SIPA1L2: variants seen among roughly 807,000 people sequenced by gnomAD.
SIPA1L2 encodes signal induced proliferation associated 1 like 2.
In SIPA1L2, 56 loss-of-function variants were observed where a neutral mutation model predicts 163.9. That is an observed-to-expected ratio of 0.34 (90% CI 0.28 to 0.43). The LOEUF (loss-of-function observed/expected upper bound fraction) is 0.43. SIPA1L2 is among the 20% of genes least tolerant of loss of function. The probability of loss-of-function intolerance (pLI) is 1.00; values close to 1 mark genes in which losing one functional copy is unlikely to be tolerated. For missense variants in SIPA1L2, 1,974 were observed against 2,193.5 expected, an observed-to-expected ratio of 0.90 and a Z score of 2.00; for synonymous variants, 877 against 865.7, an observed-to-expected ratio of 1.01 and a Z score of -0.23.
At chr1:232,539,383 T>G (rs1657506321) in intron 2 of SIPA1L2, among the ~76,000 whole-genome samples, 2 of 152,234 alleles carry the variant, frequency 1.3e-5, no homozygotes, top group Non-Finnish European at 2.9e-5. Flanking sequence ...TCACTTAAAC[T>G]TCATTTGGTC....
intron 1 of SIPA1L2, among the ~76,000 whole-genome samples, chr1:232,605,990 ATG>A (rs1281297101): frequency 1.3e-5 from 2 of 148,346 alleles, no homozygotes; most frequent in African/African-American, 5.2e-5. Flanking sequence ...TCTCAGACAC[ATG>A]ATGCTACTGA....
chr1:232,547,106 G>A (rs1354854079), intron 2 of SIPA1L2, among the ~76,000 whole-genome samples: 2 of 152,208 alleles, frequency 1.3e-5, no homozygotes, highest in East Asian at 3.8e-4. Context: ...ATAAGGAAGT[G>A]GATGGTGGGC....
chr1:232,545,225 T>C lies in SIPA1L2; in HGVS notation c.-270+28949A>G, dbSNP rs979234398. On this transcript the variant is annotated intron_variant, in intron 2 of 22. Transcript: ENST00000674635. ...CTCTTCTACAAGGTTCCCTGTAGCA[T>C]AGCACGGAAAAAGCACAGCCTTCAC... Among the ~76,000 whole-genome samples, 5 of 152,244 alleles carry C rather than the reference T, an allele frequency of 3.3e-5. No individual in the cohort carries two copies. The South Asian group carries it at 8.3e-4, about 25-fold the overall frequency.
rs1665900648 is a variant in SIPA1L2 at position 232,490,988 on chromosome 1, T to C, written c.1692A>G (p.Leu564=). Residue 564 remains leucine, a synonymous_variant, in exon 5 of 23, where the codon CTA becomes CTG. Coordinates refer to ENST00000674635, the MANE Select transcript of SIPA1L2 (RefSeq NM_020808.5). ...STARHGTARG[L]PLKEVLEYVI... is the part of the protein sequence containing the mutation. ...CGTATTCCAAAACTTCTTTGAGAGG[T>C]AGTCCTCGTGCGGTACCATGCCTAG... is the stretch of plus-strand genomic sequence containing the variant. 3.1e-6 allele frequency: 5 copies of C among 1,614,008 alleles called. No individual in the cohort carries two copies. The highest frequency in any genetic ancestry group is 1.3e-5 in the African/African-American group (1 of 74,898).
At chr1:232,399,927 G>C (rs1391219730) in intron 22 of SIPA1L2, among the ~76,000 whole-genome samples, 1 of 152,138 alleles carries the variant, frequency 6.6e-6, no homozygotes, top group Admixed American at 6.5e-5. Context: ...CGGTATTTCT[G>C]TAACGGGATC....
At chr1:232,479,416 A>T (rs1665209273) in intron 7 of SIPA1L2, among the ~76,000 whole-genome samples, 1 of 152,226 alleles carries the variant, frequency 6.6e-6, no homozygotes, top group Admixed American at 6.5e-5. Flanking sequence ...CTGAGTGCAG[A>T]AGAGTTTCTA....
At chr1:232,484,099 A>G (rs1665524033) in intron 5 of SIPA1L2, 133 bp from the exon 6 acceptor site, 1 of 780,948 alleles carries the variant, frequency 1.3e-6, no homozygotes, top group East Asian at 2.8e-5. Context: ...GTGAATAAGC[A>G]AAAGAGTAGG....
At chr1:232,477,869 A>G (rs993850291) in intron 7 of SIPA1L2, among the ~76,000 whole-genome samples, 28 of 152,206 alleles carry the variant, frequency 1.8e-4, no homozygotes, top group Admixed American at 1.4e-3. Flanking sequence ...CTGAAGTCCA[A>G]TGACTCAAGT....
Position 232,514,071 on chromosome 1 carries a change from C to T in SIPA1L2, c.1269G>A (p.Arg423=). 1 of 1,614,204 alleles carries T rather than the reference C, an allele frequency of 6.2e-7. No homozygotes were observed. The highest frequency in any genetic ancestry group is 8.5e-7 in the Non-Finnish European group (1 of 1,180,026). ...RNETGGEGDR[R]IALSRANSSS... ...ATGAGTTGGCTCGAGAGAGCGCAAT[C>T]CGCCTGTCGCCTTCCCCTCCAGTCT... is the stretch of plus-strand genomic sequence containing the variant. Residue 423 remains arginine (R), a synonymous_variant, in exon 3 of 23, where the codon CGG becomes CGA. Transcript: ENST00000674635.
In SIPA1L2 at chr1:232,432,292, T is replaced by G; in HGVS notation, c.4211A>C (p.Glu1404Ala). The change falls in exon 16 of 23, where the codon GAG becomes GCG. Residue 1404 changes from glutamate to alanine, a missense_variant. This residue lies in a region of SIPA1L2 where 1,079 missense variants were observed against 1,150.7 expected (regional missense o/e 0.94). Coordinates refer to ENST00000674635, the MANE Select transcript of SIPA1L2 (RefSeq NM_020808.5). ...NKYVIGWKKS[E>A]GSPPPEEPEV... ...AGGCTCCTCGGGCGGTGGGCTGCCCTCCGATTTCTTCCAGCCGATGACATA... is the reference window on the plus strand; with the variant it reads ...AGGCTCCTCGGGCGGTGGGCTGCCCGCCGATTTCTTCCAGCCGATGACATA... 6.2e-7 allele frequency: 1 copy of G among 1,614,130 alleles called. No homozygotes were observed. Among genetic ancestry groups the G allele is most frequent in the Admixed American group, 1.7e-5 (1 of 60,018 alleles).
intron 3 of SIPA1L2, among the ~76,000 whole-genome samples, chr1:232,505,592 G>A (rs1666689600): frequency 6.6e-6 from 1 of 152,208 alleles, no homozygotes; most frequent in Non-Finnish European, 1.5e-5. Flanking sequence ...ACACTGTGGT[G>A]TATGGGAACT....
intron 9 of SIPA1L2, among the ~76,000 whole-genome samples, chr1:232,463,294 G>A (rs1311937227): frequency 6.6e-6 from 1 of 152,162 alleles, no homozygotes; most frequent in Non-Finnish European, 1.5e-5. Context: ...TGGATACTGA[G>A]TTAACCATCT....
Position 232,515,528 on chromosome 1 carries a change from TGTC to T in SIPA1L2, c.-192_-190del. ...CTTCAAAGCCAACTTGCTTCTCTGT[TGTC>T]GTAATAATGTTGTACGCCTCTGTTC... On this transcript the variant is annotated 5_prime_UTR_variant, in exon 3 of 23. Transcript: ENST00000674635. 1.7e-6 allele frequency: 1 copy of T among 587,918 alleles called. No homozygotes were observed. The highest frequency in any genetic ancestry group is 2.9e-6 in the Non-Finnish European group (1 of 347,726). 36.4% of individuals were successfully genotyped at this position (587,918 alleles called of 1,614,324 possible).
chr1:232,571,766 C>A (rs531023089), intron 2 of SIPA1L2, among the ~76,000 whole-genome samples: 1 of 152,160 alleles, frequency 6.6e-6, no homozygotes, highest in Non-Finnish European at 1.5e-5. Flanking sequence ...GGACCTCCCC[C>A]TTCTGTCTGA....
At chr1:232,516,800 T>C (rs1461249646) in intron 2 of SIPA1L2, among the ~76,000 whole-genome samples, 1 of 152,210 alleles carries the variant, frequency 6.6e-6, no homozygotes, top group Non-Finnish European at 1.5e-5. Flanking sequence ...GAATTACAGT[T>C]ATTAATATTC....
At chr1:232,409,484 C>T (rs1445193853) in intron 19 of SIPA1L2, among the ~76,000 whole-genome samples, 1 of 152,226 alleles carries the variant, frequency 6.6e-6, no homozygotes, top group Non-Finnish European at 1.5e-5. Context: ...GAGGTAGAGT[C>T]TATGTTGCAC....
At position 232,415,488 on chromosome 1, in the gene SIPA1L2, C is replaced by CT; in HGVS notation, c.4762+5dup. 1 of 1,607,296 alleles carries CT rather than the reference C, an allele frequency of 6.2e-7. No individual in the cohort carries two copies. Among genetic ancestry groups the CT allele is most frequent in the Non-Finnish European group, 8.5e-7 (1 of 1,177,220 alleles). ...GGGGTGAGGCCAGAGGCTGGTGAGT[C>CT]TTTACCTTCAAATGCCCGTGCAGCA... is the stretch of plus-strand genomic sequence containing the variant. On this transcript the variant is annotated splice_donor_region_variant and intron_variant, in intron 19 of 22. Transcript: ENST00000674635.
At chr1:232,552,620 T>G (rs890713530) in intron 2 of SIPA1L2, among the ~76,000 whole-genome samples, 2 of 152,084 alleles carry the variant, frequency 1.3e-5, no homozygotes, top group Non-Finnish European at 2.9e-5. Context: ...TCCTTCCACC[T>G]CAGCCTTCCA....
rs1252492343 is a variant in SIPA1L2, at chr1:232,546,326, C to T, written c.-270+27848G>A. On this transcript the variant is annotated intron_variant, in intron 2 of 22. Transcript: ENST00000674635. ...AGAAAACCCTAAAAGGCCACCATGA[C>T]GCCAAGACTTCACCTTTATTGACTT... 3.9e-5 allele frequency among the ~76,000 whole-genome samples: 6 copies of T among 152,158 alleles called. No homozygotes were observed. In the South Asian group the frequency reaches 8.3e-4, roughly 21 times the overall value.
Sources: gnomAD v4.1 joint callset for allele counts (sites outside exome capture counted in the v4.1 genomes callset) on GRCh38, gnomAD v4.1.1 for gene constraint, gnomAD v4.1.1 regional missense constraint, MANE v1.5 for transcripts, NCBI Gene and HGNC (gene_info 2026-07-23, HGNC 2026-07-21) for gene names.